Variants in SCAF4 observed in about 807,000 individuals in gnomAD.
The protein encoded by SCAF4 is SR-related CTD associated factor 4, also known as SR-related and CTD-associated factor 4.
Under a neutral mutation model 129.8 loss-of-function variants are expected in SCAF4, and 25 were observed. That is an observed-to-expected ratio of 0.19 (90% CI 0.14 to 0.27). The LOEUF (loss-of-function observed/expected upper bound fraction) is 0.27. Ranked by LOEUF, SCAF4 falls within the 10% of genes least tolerant of loss-of-function variation. The pLI, the probability that SCAF4 is intolerant of heterozygous loss-of-function variation, is 1.00. For missense variants in SCAF4, 1,246 were observed against 1,457.1 expected (o/e 0.86, Z 2.36); for synonymous variants, 551 against 497.7 (o/e 1.11, Z -1.43).
chr21:31,673,680 C>T (rs565075371), intron 19 of SCAF4, among the ~76,000 whole-genome samples: 4 of 152,320 alleles, frequency 2.6e-5, no homozygotes, highest in Admixed American at 2.6e-4. Context: ...TACACTGGGG[C>T]AACAGAAGCA....
intron 1 of SCAF4, among the ~76,000 whole-genome samples, chr21:31,716,363 A>C (rs2050919712): frequency 6.6e-6 from 1 of 152,118 alleles, no homozygotes; most frequent in South Asian, 2.1e-4. Context: ...AAAAATAGAA[A>C]TGTTTCCTAA....
At chr21:31,681,175 A>G (rs1161619236) in intron 19 of SCAF4, among the ~76,000 whole-genome samples, 1 of 152,244 alleles carries the variant, frequency 6.6e-6, no homozygotes, top group Non-Finnish European at 1.5e-5. Context: ...TATAAATTTT[A>G]CCATCAGCTA....
At chr21:31,695,779 T>G (rs1322060592) in intron 9 of SCAF4, among the ~76,000 whole-genome samples, 1 of 152,188 alleles carries the variant, frequency 6.6e-6, no homozygotes, top group East Asian at 1.9e-4. Flanking sequence ...CTCAGAGCCC[T>G]CTAAAGTATC....
At chr21:31,690,386 G>A (rs2050231499) in intron 15 of SCAF4, among the ~76,000 whole-genome samples, 1 of 152,168 alleles carries the variant, frequency 6.6e-6, no homozygotes, top group Admixed American at 6.5e-5. Flanking sequence ...TCGGGAGACT[G>A]AAGGAGGAGA....
chr21:31,705,459 C>T lies in SCAF4; in HGVS notation c.123G>A (p.Lys41=), dbSNP rs1425992839. 1 of 1,294,428 alleles carries T rather than the reference C, an allele frequency of 7.7e-7. No homozygotes were observed. Among genetic ancestry groups the T allele is most frequent in the East Asian group, 2.5e-5 (1 of 40,636 alleles). 80.2% of individuals were successfully genotyped at this position (1,294,428 alleles called of 1,614,324 possible). A position where few individuals can be genotyped will look rare whatever the true frequency, so the allele number is the denominator to read the frequency against. The part of the protein sequence containing the change: ...KAAIKAIKLY[K]HVVQIVEKFI... ...ACTTTTCTACTATTTGAACTACATG[C>T]TTATAAAGCTGAAAAGAATTAAGAG... is the stretch of plus-strand genomic sequence containing the variant. Residue 41 remains lysine (K), a synonymous_variant, in exon 3 of 20, where the codon AAG becomes AAA. Coordinates refer to ENST00000286835, the MANE Select transcript of SCAF4 (RefSeq NM_020706.2).
chr21:31,702,358 T>C lies in SCAF4; in HGVS notation c.343A>G (p.Asn115Asp). The change falls in exon 5 of 20, where the codon AAC becomes GAC. Residue 115 changes from asparagine to aspartate, a missense_variant. By Grantham distance (23) the Asn-to-Asp change is conservative. Coordinates refer to ENST00000286835, the MANE Select transcript of SCAF4 (RefSeq NM_020706.2). ...AACACTCCATTTTTTTGCCAAAGGT[T>C]CAGCACACGAACTATTTTACTCTGT... ...EDKSKIVRVL[N>D]LWQKNGVFKI... is the part of the protein sequence containing the mutation. The C allele has an allele frequency of 6.2e-7, 1 of 1,614,032 alleles. No individual in the cohort carries two copies.
intron 4 of SCAF4, 102 bp downstream of exon 4, chr21:31,703,663 T>C (rs927455068): frequency 1.1e-5 from 7 of 630,412 alleles, no homozygotes; most frequent in African/African-American, 1.1e-4. Context: ...CATCGCTACA[T>C]GAAAATCTTA....
At chr21:31,728,142 T>C (rs1273582938) in intron 1 of SCAF4, among the ~76,000 whole-genome samples, 1 of 152,170 alleles carries the variant, frequency 6.6e-6, no homozygotes. Flanking sequence ...TATGCTATTC[T>C]ACACCCCCTT....
At position 31,688,441 on chromosome 21, in the gene SCAF4, G is replaced by T; in HGVS notation, c.1909C>A (p.Pro637Thr). 6.2e-7 allele frequency: 1 copy of T among 1,613,802 alleles called. No individual in the cohort carries two copies. Among genetic ancestry groups the T allele is most frequent in the Non-Finnish European group, 8.5e-7 (1 of 1,179,824 alleles). ...NPDWKGIPKK[P>T]ENEVAQNGGA... Reference sequence around the variant, plus strand: ...CCATTTTGAGCAACTTCATTTTCAGGCTTCTTAGGAATTCCTTTCCAATCT... The same window carrying T: ...CCATTTTGAGCAACTTCATTTTCAGTCTTCTTAGGAATTCCTTTCCAATCT... The change falls in exon 16 of 20, where the codon CCT (proline) becomes ACT (threonine). Residue 637 changes from proline (P) to threonine (T), a missense_variant. Coordinates refer to ENST00000286835, the MANE Select transcript of SCAF4 (RefSeq NM_020706.2).
intron 1 of SCAF4, among the ~76,000 whole-genome samples, chr21:31,719,023 G>A (rs2051006216): frequency 6.6e-6 from 1 of 152,164 alleles, no homozygotes; most frequent in South Asian, 2.1e-4. Context: ...GGGCACGGTG[G>A]CTCATGCCCG....
At chr21:31,696,520 C>T (rs757581100) in intron 8 of SCAF4, 49 bp downstream of exon 8, 1 of 1,490,524 alleles carries the variant, frequency 6.7e-7, no homozygotes, top group Non-Finnish European at 9.1e-7. Context: ...TTATGCCTTA[C>T]AACTATTACC....
chr21:31,727,831 A>C (rs548006737), intron 1 of SCAF4, among the ~76,000 whole-genome samples: 15 of 152,150 alleles, frequency 9.9e-5, no homozygotes, highest in Non-Finnish European at 2.1e-4. Flanking sequence ...TATTCCACAA[A>C]CTTTAGCAAA....
chr21:31,688,155 A>G, intron 16 of SCAF4, 152 bp downstream of exon 16: 2 of 400,038 alleles, frequency 5.0e-6, no homozygotes, highest in Non-Finnish European at 8.3e-6. Context: ...AGTGAAGAAT[A>G]TAAAATTTAA....
chr21:31,698,237 T>C (rs765634502), intron 7 of SCAF4, among the ~76,000 whole-genome samples: 4 of 152,234 alleles, frequency 2.6e-5, no homozygotes, highest in Non-Finnish European at 5.9e-5. Context: ...ATCTATAAAG[T>C]AGCTGAAACA....
intron 1 of SCAF4, among the ~76,000 whole-genome samples, chr21:31,723,994 A>G (rs1409640095): frequency 1.3e-5 from 2 of 152,150 alleles, no homozygotes; most frequent in Non-Finnish European, 2.9e-5. Context: ...TTCTTCCTGA[A>G]TTTACTACTA....
chr21:31,727,698 G>A (rs540984098), intron 1 of SCAF4, among the ~76,000 whole-genome samples: 10 of 152,156 alleles, frequency 6.6e-5, no homozygotes, highest in African/African-American at 2.4e-4. Flanking sequence ...AGGAGAGGCA[G>A]GAGAATCGCT....
intron 1 of SCAF4, among the ~76,000 whole-genome samples, chr21:31,719,450 G>C (rs2051018199): frequency 6.6e-6 from 1 of 151,840 alleles, no homozygotes; most frequent in African/African-American, 2.4e-5. Flanking sequence ...AGTATTAATA[G>C]TTAATTTCTG....
chr21:31,685,431 G>A lies in SCAF4; in HGVS notation c.2263C>T (p.Pro755Ser), dbSNP rs766020700. The change falls in exon 18 of 20, where the codon CCT becomes TCT. Residue 755 changes from proline to serine, a missense_variant. Physicochemically the swap from Pro to Ser is moderately conservative, Grantham distance 74. This residue lies in a region of SCAF4 where 468 missense variants were observed against 605.5 expected (regional missense o/e 0.77). Transcript: ENST00000286835. ...ATGCTTATTGGTGGAGTGTGAGGAG[G>A]AGGAATGGATACTGGTGGAGTTATA... ...PPITPPVSIP[P>S]PHTPPISIPN... The A allele has an allele frequency of 6.2e-7, 1 of 1,613,458 alleles. No homozygotes were observed. Among genetic ancestry groups the A allele is most frequent in the South Asian group, 1.1e-5 (1 of 90,986 alleles).
intron 1 of SCAF4, among the ~76,000 whole-genome samples, chr21:31,713,252 C>T (rs750490021): frequency 1.3e-5 from 2 of 152,176 alleles, no homozygotes; most frequent in Admixed American, 6.5e-5. Context: ...TGATTTTCCA[C>T]AATAATTTGT....
Sources: gnomAD v4.1 joint callset for allele counts (sites outside exome capture counted in the v4.1 genomes callset) on GRCh38, gnomAD v4.1.1 for gene constraint, gnomAD v4.1.1 regional missense constraint, MANE v1.5 for transcripts, NCBI Gene and HGNC (gene_info 2026-07-23, HGNC 2026-07-21) for gene names.